SAMD4A: variants seen among roughly 807,000 people sequenced by gnomAD.
The protein encoded by SAMD4A is sterile alpha motif domain containing 4A, also known as protein Smaug homolog 1.
A neutral mutation model predicts 81.3 loss-of-function variants in SAMD4A; 33 were observed. The observed-to-expected ratio is 0.41, with a 90% confidence interval of 0.31 to 0.54. The LOEUF (loss-of-function observed/expected upper bound fraction) is 0.54. Ranked by LOEUF, SAMD4A falls within the 20% of genes least tolerant of loss-of-function variation. SAMD4A has a pLI of 0.37. For synonymous variants in SAMD4A, 389 were observed against 382.1 expected (o/e 1.02, Z -0.21); for missense variants, 854 against 951.1 (o/e 0.90, Z 1.34).
chr14:54,628,941 C>T (rs1317804058), intron 2 of SAMD4A, among the ~76,000 whole-genome samples: 1 of 152,004 alleles, frequency 6.6e-6, no homozygotes, highest in African/African-American at 2.4e-5. Context: ...AATATTGTTA[C>T]AGGTTGAATT....
chr14:54,621,611 C>T (rs1456096205), intron 2 of SAMD4A, among the ~76,000 whole-genome samples: 2 of 141,132 alleles, frequency 1.4e-5, no homozygotes, highest in Non-Finnish European at 3.1e-5. Flanking sequence ...ATCCACCCGC[C>T]TCAGCTTCCC....
chr14:54,632,854 G>A (rs1291920858), intron 2 of SAMD4A, among the ~76,000 whole-genome samples: 1 of 152,184 alleles, frequency 6.6e-6, no homozygotes, highest in Non-Finnish European at 1.5e-5. Context: ...TGTTAGGCAC[G>A]TAGAAAGTAC....
chr14:54,683,212 C>G (rs372857580), intron 2 of SAMD4A, among the ~76,000 whole-genome samples: 1 of 152,190 alleles, frequency 6.6e-6, no homozygotes, highest in African/African-American at 2.4e-5. Context: ...GATCTCAGGA[C>G]GATCCTTATA....
chr14:54,737,112 T>C lies in SAMD4A; in HGVS notation c.804T>C (p.His268=), dbSNP rs769119893. The C allele has an allele frequency of 4.3e-6, 7 of 1,614,072 alleles. No homozygotes were observed. In the Admixed American group the frequency reaches 1.2e-4, roughly 27 times the overall value. The change falls in exon 4 of 13, where the codon CAT becomes CAC. Residue 268 remains histidine, a synonymous_variant. Coordinates refer to ENST00000554335, the MANE Select transcript of SAMD4A (RefSeq NM_015589.6). ...PMNVPNQPLG[H]GWMSHEDLRA... Reference sequence around the variant, plus strand: ...ATGTGCCAAACCAGCCTCTAGGACATGGATGGATGTCTCATGAGGACTTAC... The same window carrying C: ...ATGTGCCAAACCAGCCTCTAGGACACGGATGGATGTCTCATGAGGACTTAC...
upstream of SAMD4A, among the ~76,000 whole-genome samples, chr14:54,566,786 C>T (rs1035539570): frequency 6.6e-6 from 1 of 152,032 alleles, no homozygotes; most frequent in African/African-American, 2.4e-5. Context: ...CGCACAGTGA[C>T]CGCTCCGGCC....
Position 54,774,998 on chromosome 14 carries a change from C to T in SAMD4A, c.1780C>T (p.Arg594Trp), listed in dbSNP as rs201673766. 1.7e-5 allele frequency: 28 copies of T among 1,614,158 alleles called. No individual in the cohort carries two copies. Among genetic ancestry groups the T allele is most frequent in the Admixed American group, 5.0e-5 (3 of 60,028 alleles). ...AGSVGGGMGR[R>W]NPRQYQIPSR... Reference sequence around the variant, plus strand: ...CTCTGTGGGCGGTGGCATGGGCAGACGGAACCCGCGCCAGTACCAGATCCC... The same window carrying T: ...CTCTGTGGGCGGTGGCATGGGCAGATGGAACCCGCGCCAGTACCAGATCCC... The change falls in exon 10 of 13, where the codon CGG (arginine) becomes TGG (tryptophan). Residue 594 changes from arginine to tryptophan, a missense_variant. Transcript: ENST00000554335.
At chr14:54,570,850 C>T (rs1426703240) in intron 2 of SAMD4A, among the ~76,000 whole-genome samples, 1 of 152,178 alleles carries the variant, frequency 6.6e-6, no homozygotes, top group African/African-American at 2.4e-5. Flanking sequence ...ATTCAGAAAA[C>T]TAGGCTGTGC....
At chr14:54,574,591 ACT>A (rs1463089861) in intron 2 of SAMD4A, among the ~76,000 whole-genome samples, 5 of 152,096 alleles carry the variant, frequency 3.3e-5, no homozygotes, top group African/African-American at 4.8e-5. Context: ...CAATCCCAAC[ACT>A]CTATGATTTC....
intron 2 of SAMD4A, 143 bp downstream of exon 2, chr14:54,568,255 C>A: frequency 1.4e-6 from 1 of 721,692 alleles, no homozygotes; most frequent in Non-Finnish European, 2.1e-6. Context: ...CCCTCGGAAT[C>A]CACCCCCTCC....
At chr14:54,628,122 C>T (rs762938969) in intron 2 of SAMD4A, among the ~76,000 whole-genome samples, 4 of 152,008 alleles carry the variant, frequency 2.6e-5, no homozygotes, top group South Asian at 2.1e-4. Flanking sequence ...GTTGGATTGC[C>T]ATAGCAACAT....
In SAMD4A at chr14:54,687,942, C is replaced by T. The variant is rs1173537042; in HGVS notation, c.197-14120C>T. 4 of 986,312 alleles carry T rather than the reference C, an allele frequency of 4.1e-6. 1 individual carries two copies. The highest frequency in any genetic ancestry group is 4.8e-6 in the Non-Finnish European group (4 of 830,594). The allele number at this position is 986,312 out of a possible 1,614,324, so 61.1% of individuals were successfully genotyped here. On this transcript the variant is annotated intron_variant, in intron 2 of 12. Coordinates refer to ENST00000554335, the MANE Select transcript of SAMD4A (RefSeq NM_015589.6). ...CAGGCATCACCCTCTGTGGCTGATG[C>T]CTCTGACATCATAATACCCAGCCAG... is the stretch of plus-strand genomic sequence containing the variant.
At chr14:54,708,899 G>A (rs917051410) in intron 3 of SAMD4A, among the ~76,000 whole-genome samples, 2 of 152,144 alleles carry the variant, frequency 1.3e-5, no homozygotes, top group South Asian at 4.1e-4. Flanking sequence ...GAGACAAACT[G>A]GCCACATGCT....
chr14:54,744,030 G>A (rs532398272), intron 4 of SAMD4A, among the ~76,000 whole-genome samples: 2 of 152,310 alleles, frequency 1.3e-5, no homozygotes, highest in South Asian at 4.1e-4. Context: ...GATCAAGGGT[G>A]CAGTCATATC....
intron 10 of SAMD4A, among the ~76,000 whole-genome samples, chr14:54,776,125 G>T (rs760265760): frequency 1.3e-5 from 2 of 150,388 alleles, no homozygotes; most frequent in Non-Finnish European, 3.0e-5. Flanking sequence ...CAGGGAAAAA[G>T]CAAAAGCAAC....
chr14:54,715,001 G>A (rs2037083905), intron 3 of SAMD4A, among the ~76,000 whole-genome samples: 1 of 152,100 alleles, frequency 6.6e-6, no homozygotes, highest in Admixed American at 6.6e-5. Flanking sequence ...AGGTAAAATT[G>A]TGTTGATGTT....
At chr14:54,786,984 C>T (rs535755305) in intron 12 of SAMD4A, among the ~76,000 whole-genome samples, 15 of 152,284 alleles carry the variant, frequency 9.9e-5, no homozygotes, top group Admixed American at 6.5e-4. Flanking sequence ...TTCAGGGTGG[C>T]CTAGTTGGGC....
intron 3 of SAMD4A, among the ~76,000 whole-genome samples, chr14:54,731,757 A>T (rs565968474): frequency 1.3e-5 from 2 of 152,202 alleles, no homozygotes; most frequent in Non-Finnish European, 2.9e-5. Flanking sequence ...ATGTGGCTGG[A>T]CTCATAGGGC....
At chr14:54,603,595 T>C (rs2034119232) in intron 2 of SAMD4A, among the ~76,000 whole-genome samples, 1 of 152,146 alleles carries the variant, frequency 6.6e-6, no homozygotes, top group Non-Finnish European at 1.5e-5. Context: ...ATTTGGCCTA[T>C]AGCCAAAGAA....
chr14:54,708,320 C>G (rs1287592850), intron 3 of SAMD4A, among the ~76,000 whole-genome samples: 1 of 152,194 alleles, frequency 6.6e-6, no homozygotes, highest in Non-Finnish European at 1.5e-5. Flanking sequence ...CAGGGAAAGT[C>G]TTTATCAGGT....
Sources: gnomAD v4.1 joint callset for allele counts (sites outside exome capture counted in the v4.1 genomes callset) on GRCh38, gnomAD v4.1.1 for gene constraint, MANE v1.5 for transcripts, NCBI Gene and HGNC (gene_info 2026-07-23, HGNC 2026-07-21) for gene names.